Variants in KCNB2 observed in about 807,000 individuals in gnomAD.
KCNB2 encodes delayed rectifier potassium channel protein.
In KCNB2, 15 loss-of-function variants were observed where a neutral mutation model predicts 61.5. The observed-to-expected ratio is 0.24, with a 90% confidence interval of 0.16 to 0.38. KCNB2 has a LOEUF of 0.38. Among genes scored for constraint, KCNB2 ranks in the 10% least tolerant of loss-of-function variants. The pLI is 1.00. For synonymous variants in KCNB2, 457 were observed against 446.0 expected, an observed-to-expected ratio of 1.02 and a Z score of -0.31; for missense variants, 828 against 1,125.2, an observed-to-expected ratio of 0.74 and a Z score of 3.78.
At chr8:72,604,839 T>A (rs902853813) in intron 2 of KCNB2, among the ~76,000 whole-genome samples, 22 of 152,212 alleles carry the variant, frequency 1.4e-4, no homozygotes, top group Admixed American at 1.4e-3. Context: ...TTTTTAAAAA[T>A]GTATCTTGCA....
intron 2 of KCNB2, among the ~76,000 whole-genome samples, chr8:72,697,663 A>C (rs995525971): frequency 6.6e-6 from 1 of 152,136 alleles, no homozygotes; most frequent in Non-Finnish European, 1.5e-5. Flanking sequence ...AAGAAAACAG[A>C]AAAAAAGAAA....
At chr8:72,677,224 A>G (rs946846119) in intron 2 of KCNB2, among the ~76,000 whole-genome samples, 1 of 152,224 alleles carries the variant, frequency 6.6e-6, no homozygotes, top group Non-Finnish European at 1.5e-5. Flanking sequence ...CAGAGCAGTC[A>G]TAGTCCTGCT....
intron 2 of KCNB2, among the ~76,000 whole-genome samples, chr8:72,905,033 T>C (rs1014010035): frequency 1.1e-4 from 17 of 152,164 alleles, no homozygotes; most frequent in African/African-American, 4.1e-4. Context: ...ATGATGATCA[T>C]GATGATCTTT....
At chr8:72,793,986 A>G (rs540504252) in intron 2 of KCNB2, among the ~76,000 whole-genome samples, 2 of 152,350 alleles carry the variant, frequency 1.3e-5, no homozygotes, top group African/African-American at 4.8e-5. Flanking sequence ...ACGTAAGGAA[A>G]TGGAGTTTTG....
chr8:72,747,221 C>A (rs1024518910), intron 2 of KCNB2, among the ~76,000 whole-genome samples: 1 of 152,104 alleles, frequency 6.6e-6, no homozygotes, highest in Admixed American at 6.6e-5. Context: ...GCCAAAGGAA[C>A]GGGCAAGGCA....
At chr8:72,748,264 T>C (rs1390323069) in intron 2 of KCNB2, among the ~76,000 whole-genome samples, 1 of 152,076 alleles carries the variant, frequency 6.6e-6, no homozygotes, top group African/African-American at 2.4e-5. Context: ...ACGTGAAGTA[T>C]TTTTTTTCCT....
At chr8:72,565,505 T>C (rs1394681223) in intron 1 of KCNB2, among the ~76,000 whole-genome samples, 1 of 152,172 alleles carries the variant, frequency 6.6e-6, no homozygotes, top group Non-Finnish European at 1.5e-5. Context: ...TCTATGATTT[T>C]CTGCAAAAAC....
chr8:72,850,987 T>C (rs1810094298), intron 2 of KCNB2, among the ~76,000 whole-genome samples: 1 of 152,240 alleles, frequency 6.6e-6, no homozygotes, highest in Admixed American at 6.5e-5. Context: ...AATGAATAAC[T>C]CTCCACTGTG....
chr8:72,909,325 A>G (rs1180742337), intron 2 of KCNB2, among the ~76,000 whole-genome samples: 2 of 152,188 alleles, frequency 1.3e-5, no homozygotes, highest in African/African-American at 4.8e-5. Context: ...AGAACACATC[A>G]GGCAAAGGGA....
At position 72,728,354 on chromosome 8, in the gene KCNB2, C is replaced by T. The variant is rs114273341; in HGVS notation, c.579+160041C>T. Among the ~76,000 whole-genome samples the T allele has an allele frequency of 8.7e-3, 1,319 of 152,230 alleles. 17 individuals are homozygous for T. Among genetic ancestry groups the T allele is most frequent in the African/African-American group, 0.03 (1,260 of 41,546 alleles). On this transcript the variant is annotated intron_variant, in intron 2 of 2. Transcript: ENST00000523207. The stretch of plus-strand genomic sequence containing the variant: ...CACAGAGAAGCTGATCAAGAAATGT[C>T]ATACACGGCATTCCATCCTATTCCT...
At chr8:72,629,926 AAC>A (rs769720336) in intron 2 of KCNB2, among the ~76,000 whole-genome samples, 15 of 152,334 alleles carry the variant, frequency 9.8e-5, no homozygotes, top group Middle Eastern at 3.4e-3. Context: ...AGTTAGAGCC[AAC>A]ACAGTGTCTA....
chr8:72,557,280 C>G (rs905703550), intron 1 of KCNB2, among the ~76,000 whole-genome samples: 1 of 152,058 alleles, frequency 6.6e-6, no homozygotes, highest in African/African-American at 2.4e-5. Context: ...AGGATTATTC[C>G]TTTGAGGCTT....
At chr8:72,774,872 T>G (rs1808620937) in intron 2 of KCNB2, among the ~76,000 whole-genome samples, 1 of 152,114 alleles carries the variant, frequency 6.6e-6, no homozygotes, top group Non-Finnish European at 1.5e-5. Context: ...TCTTTATCCG[T>G]GTAGCTCAGG....
intron 2 of KCNB2, among the ~76,000 whole-genome samples, chr8:72,785,568 AGTT>A (rs1808833306): frequency 6.6e-6 from 1 of 152,158 alleles, no homozygotes; most frequent in Non-Finnish European, 1.5e-5. Flanking sequence ...AATTGAAACA[AGTT>A]GTTTTGCCCT....
chr8:72,581,417 G>A (rs894119056), intron 2 of KCNB2, among the ~76,000 whole-genome samples: 2 of 152,094 alleles, frequency 1.3e-5, no homozygotes, highest in Admixed American at 6.5e-5. Flanking sequence ...TGAAGAATCC[G>A]AACTGTTTCT....
chr8:72,641,126 A>G (rs1436435889), intron 2 of KCNB2, among the ~76,000 whole-genome samples: 3 of 152,104 alleles, frequency 2.0e-5, no homozygotes, highest in Non-Finnish European at 2.9e-5. Flanking sequence ...AAACCACCCC[A>G]GGTTCCCTCT....
chr8:72,911,896 T>G (rs933674260), intron 2 of KCNB2, among the ~76,000 whole-genome samples: 12 of 152,284 alleles, frequency 7.9e-5, no homozygotes, highest in African/African-American at 2.9e-4. Context: ...AACTAACACA[T>G]GTCAAGTATT....
chr8:72,692,003 G>A (rs749509592), intron 2 of KCNB2, among the ~76,000 whole-genome samples: 18 of 152,042 alleles, frequency 1.2e-4, no homozygotes, highest in South Asian at 8.3e-4. Flanking sequence ...TTGGGAGGCC[G>A]AGGCAGGCAG....
chr8:72,570,275 A>T (rs945962933), intron 2 of KCNB2, among the ~76,000 whole-genome samples: 1 of 152,202 alleles, frequency 6.6e-6, no homozygotes, highest in Non-Finnish European at 1.5e-5. Flanking sequence ...GGAAAATTTT[A>T]TGTAGTTATA....
Sources: allele counts gnomAD v4.1 joint callset (sites outside exome capture counted in the v4.1 genomes callset), GRCh38; gene constraint gnomAD v4.1.1; transcripts MANE v1.5; gene names NCBI Gene and HGNC (gene_info 2026-07-23, HGNC 2026-07-21).